TRMT10B: variants seen among roughly 807,000 people sequenced by gnomAD.
TRMT10B encodes the protein tRNA methyltransferase 10B.
In TRMT10B, 33 loss-of-function variants were observed where a neutral mutation model predicts 43.8. The observed-to-expected ratio is 0.75, with a 90% CI of 0.57 to 1.01. The LOEUF is 1.01. Ranked by LOEUF, TRMT10B falls within the 50% of genes least tolerant of loss-of-function variation. TRMT10B has a pLI of 0.00. For synonymous variants in TRMT10B, 137 were observed against 130.6 expected (o/e 1.05, Z -0.34); for missense variants, 362 against 369.8 (o/e 0.98, Z 0.17).
At chr9:37,764,647 C>T (rs1826788230) in intron 4 of TRMT10B, among the ~76,000 whole-genome samples, 1 of 151,980 alleles carries the variant, frequency 6.6e-6, no homozygotes, top group Non-Finnish European at 1.5e-5. Flanking sequence ...TGGTCTCAAA[C>T]TCCTGTCCTC....
At chr9:37,774,253 C>T (rs1450121926) in intron 7 of TRMT10B, among the ~76,000 whole-genome samples, 1 of 152,198 alleles carries the variant, frequency 6.6e-6, no homozygotes, top group African/African-American at 2.4e-5. Context: ...CCACCTGCCT[C>T]ACCCTCCCAA....
chr9:37,753,231 G>A (rs952506145), upstream of TRMT10B, among the ~76,000 whole-genome samples: 2 of 152,186 alleles, frequency 1.3e-5, no homozygotes, highest in Admixed American at 6.5e-5. Context: ...GATGGTCCGC[G>A]GTTTCATTCT....
chr9:37,758,140 A>G (rs1300476559), intron 1 of TRMT10B, among the ~76,000 whole-genome samples: 1 of 152,214 alleles, frequency 6.6e-6, no homozygotes, highest in Admixed American at 6.5e-5. Context: ...CAGCTGGTGC[A>G]GTGGCTCACA....
Position 37,770,020 on chromosome 9 carries a change from G to C in TRMT10B, c.652+1G>C, listed in dbSNP as rs780189671. The C allele has an allele frequency of 1.2e-6, 2 of 1,611,200 alleles. No individual in the cohort carries two copies. Among genetic ancestry groups the C allele is most frequent in the East Asian group, 2.2e-5 (1 of 44,872 alleles). On this transcript the variant is annotated splice_donor_variant, in intron 6 of 8. Coordinates refer to ENST00000297994, the MANE Select transcript of TRMT10B (RefSeq NM_144964.4). LOFTEE classifies it high-confidence loss of function. ...TACCTGACTCCTGACTCAGAACACG[G>C]TATGTAGTTGAATGCATGGATTCGT...
intron 5 of TRMT10B, among the ~76,000 whole-genome samples, chr9:37,768,625 C>T (rs1457834478): frequency 6.6e-6 from 1 of 152,210 alleles, no homozygotes; most frequent in Non-Finnish European, 1.5e-5. Flanking sequence ...CTTTTCACCT[C>T]TCTCTAGGAT....
At chr9:37,753,574 G>A (rs1409985922), upstream of TRMT10B, among the ~76,000 whole-genome samples, 1 of 152,164 alleles carries the variant, frequency 6.6e-6, no homozygotes, top group Non-Finnish European at 1.5e-5. Context: ...GCCCTGTGAA[G>A]TTGGTAAAGG....
At chr9:37,770,537 G>T in intron 6 of TRMT10B, 135 bp from the exon 7 acceptor site, 1 of 836,572 alleles carries the variant, frequency 1.2e-6, no homozygotes, top group Non-Finnish European at 1.8e-6. Flanking sequence ...TTAGCTTTTG[G>T]TTTTATTGAG....
intron 7 of TRMT10B, among the ~76,000 whole-genome samples, 157 bp from the exon 8 acceptor site, chr9:37,776,125 A>G (rs1427517704): frequency 6.6e-6 from 1 of 152,104 alleles, no homozygotes. Flanking sequence ...ACCCCCCAAA[A>G]AGTAAGATAT....
intron 4 of TRMT10B, chr9:37,767,585 T>G (rs1236909483): frequency 6.7e-6 from 1 of 149,314 alleles, no homozygotes; most frequent in Non-Finnish European, 1.5e-5. Context: ...CAGAGTCTTT[T>G]TCTCCTACCC....
upstream of TRMT10B, among the ~76,000 whole-genome samples, chr9:37,753,059 A>G (rs911108266): frequency 2.0e-5 from 3 of 148,108 alleles, no homozygotes; most frequent in East Asian, 2.0e-4. Flanking sequence ...CCGTGTGACC[A>G]CGAACCCACC....
chr9:37,757,264 T>TG (rs1364596272), intron 1 of TRMT10B, among the ~76,000 whole-genome samples: 1 of 152,056 alleles, frequency 6.6e-6, no homozygotes, highest in Non-Finnish European at 1.5e-5. Context: ...TTTGTGGAGG[T>TG]GGGGTCTCAC....
At chr9:37,773,219 C>T (rs747634913) in intron 7 of TRMT10B, among the ~76,000 whole-genome samples, 35 of 152,028 alleles carry the variant, frequency 2.3e-4, no homozygotes, top group Non-Finnish European at 3.8e-4. Context: ...GCAATCCTTG[C>T]GCCTCAGCCT....
At chr9:37,768,879 A>G (rs1448480202) in intron 5 of TRMT10B, among the ~76,000 whole-genome samples, 1 of 152,174 alleles carries the variant, frequency 6.6e-6, no homozygotes, top group African/African-American at 2.4e-5. Context: ...TCTTCTATGT[A>G]GTTGTTTTAA....
At chr9:37,763,561 A>C (rs1472555619) in intron 3 of TRMT10B, 68 bp from the exon 4 acceptor site, 1 of 1,419,814 alleles carries the variant, frequency 7.0e-7, no homozygotes, top group Non-Finnish European at 9.8e-7. Context: ...CACCTGGCTA[A>C]GATTTGTTTC....
chr9:37,762,832 C>A lies in TRMT10B; in HGVS notation c.295+147C>A, dbSNP rs1826510594. The A allele has an allele frequency of 1.6e-5, 16 of 1,020,502 alleles. No homozygotes were observed. In the South Asian group the frequency reaches 2.0e-4, roughly 13 times the overall value. The allele number at this position is 1,020,502 out of a possible 1,614,324, so 63.2% of individuals were successfully genotyped here. ...CCTATTTTCTTGGGAATCAAAACAT[C>A]AAAGAAAGCAAAATTTGTAGCTGGG... is the stretch of plus-strand genomic sequence containing the variant. On this transcript the variant is annotated intron_variant, in intron 3 of 8. Transcript: ENST00000297994.
chr9:37,752,909 G>C (rs1403821092), upstream of TRMT10B, among the ~76,000 whole-genome samples: 1 of 152,160 alleles, frequency 6.6e-6, no homozygotes, highest in Non-Finnish European at 1.5e-5. Flanking sequence ...GCGGCAACCC[G>C]TTGGGGTTGC....
chr9:37,768,050 CCT>C, intron 4 of TRMT10B, 24 bp from the exon 5 acceptor site: 1 of 1,609,582 alleles, frequency 6.2e-7, no homozygotes. Context: ...ATGTTTTTGC[CCT>C]GAGTTGTTCT....
intron 7 of TRMT10B, among the ~76,000 whole-genome samples, chr9:37,772,034 C>T (rs1055155993): frequency 1.2e-4 from 18 of 152,042 alleles, no homozygotes; most frequent in Non-Finnish European, 2.1e-4. Flanking sequence ...TTTTTTGAGA[C>T]ATGGTCTCAC....
chr9:37,760,196 G>A (rs1026116690), intron 1 of TRMT10B, among the ~76,000 whole-genome samples: 2 of 152,172 alleles, frequency 1.3e-5, no homozygotes, highest in Non-Finnish European at 2.9e-5. Context: ...GGTGGCTGGC[G>A]CCTGTAATCC....
Sources: gnomAD v4.1 joint callset for allele counts (sites outside exome capture counted in the v4.1 genomes callset) on GRCh38, gnomAD v4.1.1 for gene constraint, MANE v1.5 for transcripts, NCBI Gene and HGNC (gene_info 2026-07-23, HGNC 2026-07-21) for gene names.